The following HSPD1 variants were observed in gnomAD, a reference collection of about 807,000 sequenced individuals.
HSPD1 encodes the protein 60 kDa heat shock protein, mitochondrial.
HSPD1 carries 3 observed loss-of-function variants against 53.0 expected under a neutral mutation model. The ratio of observed to expected loss-of-function variants is 0.06; its 90% CI spans 0.03 to 0.15. The LOEUF (loss-of-function observed/expected upper bound fraction) is 0.15. Ranked by LOEUF, HSPD1 falls within the 10% of genes least tolerant of loss-of-function variation. The pLI is 1.00. For synonymous variants in HSPD1, 200 were observed against 228.0 expected, an observed-to-expected ratio of 0.88 and a Z score of 1.10; for missense variants, 431 against 694.1, an observed-to-expected ratio of 0.62 and a Z score of 4.26.
chr2:197,494,543 AGTTTTTAAAACAGAATTTTT>A, intron 5 of HSPD1, 94 bp downstream of exon 5: 1 of 743,802 alleles, frequency 1.3e-6, no homozygotes. Flanking sequence ...TAAAAAAAGC[AGTTTTTAAAACAGAATTTTT>A]CTGTTTGAAA....
At chr2:197,494,962 A>G in intron 4 of HSPD1, 1 of 606,892 alleles carries the variant, frequency 1.6e-6, no homozygotes, top group East Asian at 2.8e-5. Context: ...TATGATACAT[A>G]AAACTATTCT....
chr2:197,494,893 T>C (rs956610708), intron 4 of HSPD1, 141 bp from the exon 5 acceptor site: 19 of 701,184 alleles, frequency 2.7e-5, no homozygotes, highest in Non-Finnish European at 4.0e-5. Context: ...GTAGTTTTCA[T>C]GAAGTACTGG....
At chr2:197,488,953 A>AT (rs1435272238) in intron 9 of HSPD1, 49 bp downstream of exon 9, 2 of 1,599,332 alleles carry the variant, frequency 1.3e-6, no homozygotes, top group Non-Finnish European at 1.7e-6. Flanking sequence ...AAGCAAAATC[A>AT]TTCTTGGACT....
At chr2:197,488,632 G>A in intron 9 of HSPD1, 141 bp from the exon 10 acceptor site, 1 of 820,476 alleles carries the variant, frequency 1.2e-6, no homozygotes, top group South Asian at 1.4e-5. Context: ...ACTTTGGGAG[G>A]CTGAGGTGAG....
intron 1 of HSPD1, chr2:197,499,141 C>G: frequency 2.0e-6 from 1 of 491,016 alleles, no homozygotes; most frequent in South Asian, 2.1e-5. Flanking sequence ...TAATCTTTCA[C>G]CGCGAAAACG....
intron 3 of HSPD1, 158 bp downstream of exon 3, chr2:197,496,982 T>A: frequency 1.4e-6 from 1 of 736,270 alleles, no homozygotes; most frequent in Non-Finnish European, 2.4e-6. Flanking sequence ...ACAGCCAAGC[T>A]TGCTAAAGGA....
Position 197,487,142 on chromosome 2 carries a change from T to G in HSPD1, c.1626A>C (p.Ala542=). 1 of 1,603,578 alleles carries G rather than the reference T, an allele frequency of 6.2e-7. No individual in the cohort carries two copies. Among genetic ancestry groups the G allele is most frequent in the Non-Finnish European group, 8.5e-7 (1 of 1,170,562 alleles). ...TAGGAATTTCTGTGACTACAACTTC[T>G]GCTGTAGTTAACAGAGAGGCCACAC... ...AAGVASLLTT[A]EVVVTEIPKE... The change falls in exon 12 of 12, where the codon GCA becomes GCC. Residue 542 remains alanine, a synonymous_variant. Coordinates refer to ENST00000388968, the MANE Select transcript of HSPD1 (RefSeq NM_002156.5).
rs527930247 is a variant in HSPD1 at position 197,499,110 on chromosome 2, T to G, written c.-2-260A>C. On this transcript the variant is annotated intron_variant, in intron 1 of 11. Transcript: ENST00000388968. The stretch of plus-strand genomic sequence containing the variant: ...GCGGCTCCTTCCCCACGGCCACCTA[T>G]CCCTGCCGCCAAAAACGAGTTAATC... 35 of 545,904 alleles carry G rather than the reference T, an allele frequency of 6.4e-5. 1 individual carries two copies. The Admixed American group carries it at 1.0e-3, about 16-fold the overall frequency. The allele number at this position is 545,904 out of a possible 1,614,324, so 33.8% of individuals were successfully genotyped here. A position where few individuals can be genotyped will look rare whatever the true frequency, so the allele number is the denominator to read the frequency against.
At chr2:197,488,249 C>T in intron 10 of HSPD1, 68 bp downstream of exon 10, 1 of 1,382,832 alleles carries the variant, frequency 7.2e-7, no homozygotes, top group Non-Finnish European at 1.0e-6. Flanking sequence ...ATTTAGGGGA[C>T]TGCAACATTA....
chr2:197,497,144 C>T lies in HSPD1; in HGVS notation c.423G>A (p.Arg141=). Residue 141 remains arginine (R), a synonymous_variant, in exon 3 of 12, where the codon AGG becomes AGA. Transcript: ENST00000388968. Reference sequence around the variant, plus strand: ...GGTGACAACAGACATTCCTACCTCTCCTGATTTCCACTGGATTAGCACCTT... The same window carrying T: ...GGTGACAACAGACATTCCTACCTCTTCTGATTTCCACTGGATTAGCACCTT... ...ISKGANPVEI[R]RGVMLAVDAV... is the part of the protein sequence containing the mutation. 6.2e-7 allele frequency: 1 copy of T among 1,614,126 alleles called. No individual in the cohort carries two copies. The highest frequency in any genetic ancestry group is 8.5e-7 in the Non-Finnish European group (1 of 1,179,970).
In HSPD1 at chr2:197,498,798, T is replaced by C. The variant is rs746651504; in HGVS notation, c.51A>G (p.Val17=). ...AAGCCCGAGTGAGATGAGGAGCCAG[T>C]ACCCTGGACACCGGTCTCATCTGGC... ...VFRQMRPVSR[V]LAPHLTRAYA... Residue 17 remains valine, a synonymous_variant, in exon 2 of 12, where the codon GTA becomes GTG. Coordinates refer to ENST00000388968, the MANE Select transcript of HSPD1 (RefSeq NM_002156.5). 1.9e-6 allele frequency: 3 copies of C among 1,614,084 alleles called. No individual in the cohort carries two copies. The highest frequency in any genetic ancestry group is 1.7e-6 in the Non-Finnish European group (2 of 1,180,032).
chr2:197,494,588 CATCAG>C (rs2086134312), intron 5 of HSPD1, 64 bp downstream of exon 5: 4 of 1,092,750 alleles, frequency 3.7e-6, no homozygotes, highest in African/African-American at 1.6e-5. Context: ...CAGTTTTGAT[CATCAG>C]ATAACTCAAA....
At chr2:197,494,346 A>C (rs1270535658) in intron 5 of HSPD1, 96 bp from the exon 6 acceptor site, 1 of 755,214 alleles carries the variant, frequency 1.3e-6, no homozygotes, top group African/African-American at 1.7e-5. Context: ...TCTGGCCATA[A>C]GAGATGCAGG....
rs2086115268 is a variant in HSPD1, at chr2:197,493,171, T to C, written c.869+153A>G. ...TCAAAAACACAACCATAAGGATACA[T>C]TAGAGCACACCTGATTTACACAATT... On this transcript the variant is annotated intron_variant, in intron 7 of 11. Coordinates refer to ENST00000388968, the MANE Select transcript of HSPD1 (RefSeq NM_002156.5). 4.1e-6 allele frequency: 3 copies of C among 732,828 alleles called. No homozygotes were observed. The Admixed American group carries it at 6.2e-5, about 15-fold the overall frequency. 45.4% of individuals were successfully genotyped at this position (732,828 alleles called of 1,614,324 possible). A position where few individuals can be genotyped will look rare whatever the true frequency, so the allele number is the denominator to read the frequency against.
At chr2:197,495,738 C>G (rs2086149313) in intron 3 of HSPD1, among the ~76,000 whole-genome samples, 1 of 151,838 alleles carries the variant, frequency 6.6e-6, no homozygotes, top group Non-Finnish European at 1.5e-5. Flanking sequence ...GGACTACAGG[C>G]ATGTACCTAT....
rs542468042 is a variant in HSPD1 at position 197,494,831 on chromosome 2, A to G, written c.511-79T>C. 3 of 927,520 alleles carry G rather than the reference A, an allele frequency of 3.2e-6. No homozygotes were observed. In the African/African-American group the frequency reaches 4.9e-5, roughly 15 times the overall value. The allele number at this position is 927,520 out of a possible 1,614,324, so 57.5% of individuals were successfully genotyped here. ...TCAGTTCCCTTACCTTTTCCTAGTA[A>G]CTTCCAAATTGATACTTCCATCCAG... On this transcript the variant is annotated intron_variant, in intron 4 of 11. Coordinates refer to ENST00000388968, the MANE Select transcript of HSPD1 (RefSeq NM_002156.5).
At position 197,488,423 on chromosome 2, in the gene HSPD1, T is replaced by C. The variant is rs1455425956; in HGVS notation, c.1284A>G (p.Thr428=). ...CAATGCCTTCTTCAACAGCAGCTCT[T>C]GTAGCATTAAGGGCATCTGTAACTC... is the stretch of plus-strand genomic sequence containing the variant. ...KDRVTDALNA[T]RAAVEEGIVL... Residue 428 remains threonine (T), a synonymous_variant, in exon 10 of 12, where the codon ACA becomes ACG. Coordinates refer to ENST00000388968, the MANE Select transcript of HSPD1 (RefSeq NM_002156.5). 1 of 1,613,574 alleles carries C rather than the reference T, an allele frequency of 6.2e-7. No homozygotes were observed. Among genetic ancestry groups the C allele is most frequent in the Non-Finnish European group, 8.5e-7 (1 of 1,179,598 alleles).
At position 197,495,274 on chromosome 2, in the gene HSPD1, G is replaced by T. The variant is rs746782464; in HGVS notation, c.510+20C>A. 86 of 1,483,400 alleles carry T rather than the reference G, an allele frequency of 5.8e-5. No individual in the cohort carries two copies. Among genetic ancestry groups the T allele is most frequent in the Non-Finnish European group, 7.2e-5 (77 of 1,063,008 alleles). The allele number at this position is 1,483,400 out of a possible 1,614,324, so 91.9% of individuals were successfully genotyped here. ...CCATTAAATTTTTTTTAAAAAACGTGTAACATGTTAAGTCCTTACCTGTGC... is the reference window on the plus strand; with the variant it reads ...CCATTAAATTTTTTTTAAAAAACGTTTAACATGTTAAGTCCTTACCTGTGC... On this transcript the variant is annotated intron_variant, in intron 4 of 11. Transcript: ENST00000388968.
chr2:197,499,322 A>T, intron 1 of HSPD1: 1 of 173,764 alleles, frequency 5.8e-6, no homozygotes, highest in Non-Finnish European at 1.2e-5. Context: ...TATCAGAGCA[A>T]CCAGCAAGGC....
Sources: allele counts gnomAD v4.1 joint callset (sites outside exome capture counted in the v4.1 genomes callset), GRCh38; gene constraint gnomAD v4.1.1; transcripts MANE v1.5; gene names NCBI Gene and HGNC (gene_info 2026-07-23, HGNC 2026-07-21).